HGSNAT: variants seen among roughly 807,000 people sequenced by gnomAD.
HGSNAT encodes the protein heparan-alpha-glucosaminide N-acetyltransferase.
A neutral mutation model predicts 85.2 loss-of-function variants in HGSNAT; 59 were observed. The observed-to-expected ratio is 0.69, with a 90% CI of 0.56 to 0.86. The LOEUF is 0.86. Ranked by LOEUF, HGSNAT falls within the 40% of genes least tolerant of loss-of-function variation. The probability of loss-of-function intolerance (pLI) is 0.00; values close to 1 mark genes in which losing one functional copy is unlikely to be tolerated. For missense variants in HGSNAT, 756 were observed against 777.1 expected, an observed-to-expected ratio of 0.97 and a Z score of 0.32; for synonymous variants, 321 against 304.5, an observed-to-expected ratio of 1.05 and a Z score of -0.56.
chr8:43,151,139 A>G (rs1802903580), intron 2 of HGSNAT, among the ~76,000 whole-genome samples: 1 of 152,248 alleles, frequency 6.6e-6, no homozygotes, highest in Admixed American at 6.5e-5. Flanking sequence ...ATACAAAACA[A>G]AGTCGTAGTA....
intron 7 of HGSNAT, 24 bp downstream of exon 7, chr8:43,170,718 A>G (rs1803598957): frequency 6.8e-7 from 1 of 1,472,380 alleles, no homozygotes. Context: ...CCTGTAGCAC[A>G]GTGGGTGCAG....
chr8:43,199,411 G>A lies in HGSNAT; in HGVS notation c.1750G>A (p.Val584Ile), dbSNP rs550696803. The A allele has an allele frequency of 3.9e-5, 62 of 1,603,786 alleles. No individual in the cohort carries two copies. The highest frequency in any genetic ancestry group is 4.9e-5 in the Non-Finnish European group (58 of 1,174,624). Residue 584 changes from valine to isoleucine, a missense_variant, in exon 18 of 18, where the codon GTC becomes ATC. Transcript: ENST00000379644. ...YPGMNSILVY[V>I]GHEVFENYFP... ...AGGAATGAATTCCATTCTGGTATAT[G>A]TCGGCCACGAGGTGTTTGAGAACTA...
At chr8:43,171,128 G>A (rs1414127397) in intron 7 of HGSNAT, among the ~76,000 whole-genome samples, 6 of 152,166 alleles carry the variant, frequency 3.9e-5, no homozygotes, top group Non-Finnish European at 8.8e-5. Context: ...TCAGGCCCTC[G>A]TGCTAGCAAA....
At position 43,197,911 on chromosome 8, in the gene HGSNAT, A is replaced by G; in HGVS notation, c.1685A>G (p.Asp562Gly). ...CTGCTGGTCCTGTACCCAGTTGTGG[A>G]TGTGAAGGGGCTGTGGACAGGAACC... The part of the protein sequence containing the change: ...FILLVLYPVV[D>G]VKGLWTGTPF... The change falls in exon 17 of 18, where the codon GAT becomes GGT. Residue 562 changes from aspartate to glycine, a missense_variant. Asp to Gly is a moderately conservative substitution (Grantham distance 94). Transcript: ENST00000379644. 6.2e-7 allele frequency: 1 copy of G among 1,613,890 alleles called. No homozygotes were observed. Among genetic ancestry groups the G allele is most frequent in the East Asian group, 2.2e-5 (1 of 44,888 alleles).
chr8:43,188,702 G>A (rs969556906), intron 11 of HGSNAT, among the ~76,000 whole-genome samples: 17 of 152,298 alleles, frequency 1.1e-4, no homozygotes, highest in Middle Eastern at 3.4e-3. Flanking sequence ...GAGGTGCTGC[G>A]TTCCTTTGGA....
At chr8:43,182,337 T>A in intron 11 of HGSNAT, 77 bp downstream of exon 11, 1 of 1,173,880 alleles carries the variant, frequency 8.5e-7, no homozygotes, top group Non-Finnish European at 1.3e-6. Context: ...ACGGTCTCAC[T>A]ATGTTGTCCA....
intron 4 of HGSNAT, 33 bp downstream of exon 4, chr8:43,159,077 T>C: frequency 6.3e-7 from 1 of 1,594,376 alleles, no homozygotes; most frequent in Non-Finnish European, 8.6e-7. Context: ...TTTTCACATT[T>C]GCATTTTCAG....
chr8:43,192,771 A>C (rs575787759), intron 13 of HGSNAT, among the ~76,000 whole-genome samples: 78 of 152,098 alleles, frequency 5.1e-4, no homozygotes, highest in Admixed American at 3.7e-3. Flanking sequence ...GAAAAAAAAA[A>C]CAAAAAACAA....
chr8:43,159,974 G>A (rs768837771), intron 4 of HGSNAT, among the ~76,000 whole-genome samples: 2 of 152,170 alleles, frequency 1.3e-5, no homozygotes, highest in African/African-American at 4.8e-5. Context: ...CGCAGGAGCC[G>A]ATATGAAAGG....
intron 10 of HGSNAT, among the ~76,000 whole-genome samples, chr8:43,180,986 G>A (rs1586738380): frequency 2.7e-5 from 3 of 109,256 alleles, no homozygotes; most frequent in Non-Finnish European, 5.8e-5. Flanking sequence ...GCAGGCACTC[G>A]GCAGGCTGAG....
chr8:43,160,460 A>G (rs1291712483), intron 4 of HGSNAT, among the ~76,000 whole-genome samples: 1 of 152,252 alleles, frequency 6.6e-6, no homozygotes, highest in Admixed American at 6.5e-5. Flanking sequence ...AGTGTTGGCC[A>G]GGAAGTTATT....
At chr8:43,142,011 G>T (rs553546838) in intron 1 of HGSNAT, among the ~76,000 whole-genome samples, 62 of 152,110 alleles carry the variant, frequency 4.1e-4, no homozygotes, top group Non-Finnish European at 7.5e-4. Context: ...TGTTTGGGCC[G>T]CACAGCTTTC....
At chr8:43,192,232 GT>G (rs71550447) in intron 12 of HGSNAT, 71 bp from the exon 13 acceptor site, 19 of 1,526,410 alleles carry the variant, frequency 1.2e-5, no homozygotes, top group Admixed American at 2.0e-5. Context: ...CCGGCCTGAG[GT>G]TTTTTTATTC....
At chr8:43,197,628 G>A in intron 15 of HGSNAT, 44 bp from the exon 16 acceptor site, 1 of 1,417,294 alleles carries the variant, frequency 7.1e-7, no homozygotes, top group Non-Finnish European at 1.0e-6. Context: ...TGTTTTCTGA[G>A]ATAATAATAT....
chr8:43,191,635 G>C, intron 12 of HGSNAT, 40 bp downstream of exon 12: 1 of 1,596,224 alleles, frequency 6.3e-7, no homozygotes, highest in Non-Finnish European at 8.6e-7. Flanking sequence ...TGCATGTCCT[G>C]TTCTGCCCAG....
chr8:43,156,776 C>T (rs546631491), intron 2 of HGSNAT, among the ~76,000 whole-genome samples: 51 of 152,158 alleles, frequency 3.4e-4, no homozygotes, highest in African/African-American at 1.2e-3. Context: ...TAATGGCCTT[C>T]TTTTTCTCTT....
rs1362874353 is a variant in HGSNAT, at chr8:43,192,297, T to G, written c.1251-7T>G. On this transcript the variant is annotated splice_region_variant and splice_polypyrimidine_tract_variant and intron_variant, in intron 12 of 17. Transcript: ENST00000379644. ...TTGTCATTTACATATGCTTTTCACC[T>G]TCCTAGTGGTTATCTTGGTCCTGGG... 6.2e-7 allele frequency: 1 copy of G among 1,603,084 alleles called. No homozygotes were observed. The highest frequency in any genetic ancestry group is 1.3e-5 in the African/African-American group (1 of 74,784).
At chr8:43,195,176 C>T (rs911897581) in intron 14 of HGSNAT, among the ~76,000 whole-genome samples, 1 of 151,946 alleles carries the variant, frequency 6.6e-6, no homozygotes, top group Non-Finnish European at 1.5e-5. Context: ...CCTGGAACAC[C>T]TCGGGGCATG....
Position 43,182,509 on chromosome 8 carries a change from T to A in HGSNAT, c.1128+249T>A. The A allele has an allele frequency of 6.1e-6, 3 of 495,060 alleles. No individual in the cohort carries two copies. In the South Asian group the frequency reaches 6.1e-5, roughly 10 times the overall value. 30.7% of individuals were successfully genotyped at this position (495,060 alleles called of 1,614,324 possible). A position where few individuals can be genotyped will look rare whatever the true frequency, so the allele number is the denominator to read the frequency against. On this transcript the variant is annotated intron_variant, in intron 11 of 17. Transcript: ENST00000379644. ...CCCAGGCTGGGGTGCAGTGGTGTGATCTTGGCTCACTGAAGCCTCAACATC... is the reference window on the plus strand; with the variant it reads ...CCCAGGCTGGGGTGCAGTGGTGTGAACTTGGCTCACTGAAGCCTCAACATC...
Sources: gnomAD v4.1 joint callset for allele counts (sites outside exome capture counted in the v4.1 genomes callset) on GRCh38, gnomAD v4.1.1 for gene constraint, MANE v1.5 for transcripts, NCBI Gene and HGNC (gene_info 2026-07-23, HGNC 2026-07-21) for gene names.